The following KLHDC10 variants were observed in gnomAD, a reference collection of about 807,000 sequenced individuals.
KLHDC10 encodes the protein kelch domain-containing protein 10.
Under a neutral mutation model 56.1 loss-of-function variants are expected in KLHDC10, and 24 were observed. The observed-to-expected ratio is 0.43, with a 90% CI of 0.31 to 0.60. The LOEUF (loss-of-function observed/expected upper bound fraction) is 0.60. Ranked by LOEUF, KLHDC10 falls within the 20% of genes least tolerant of loss-of-function variation. KLHDC10 has a pLI of 0.11. For synonymous variants in KLHDC10, 188 were observed against 207.1 expected, an observed-to-expected ratio of 0.91 and a Z score of 0.79; for missense variants, 349 against 567.0, an observed-to-expected ratio of 0.62 and a Z score of 3.91.
chr7:130,118,387 C>T (rs1030450735), intron 3 of KLHDC10, among the ~76,000 whole-genome samples: 6 of 152,142 alleles, frequency 3.9e-5, no homozygotes, highest in Admixed American at 2.0e-4. Context: ...CTCTCCCCAC[C>T]TTTATAGAAT....
At chr7:130,085,386 C>G (rs1795673392) in intron 1 of KLHDC10, among the ~76,000 whole-genome samples, 1 of 148,942 alleles carries the variant, frequency 6.7e-6, no homozygotes, top group African/African-American at 2.5e-5. Context: ...GACTATATAA[C>G]TCTTGAAAGT....
In KLHDC10 at chr7:130,131,603, T is replaced by C. The variant is rs1357559618; in HGVS notation, c.*857T>C. ...AATGGTTTTAAATATCTCTTTGACT[T>C]CTTCATGGGGAATTGTAGACCCTAA... is the stretch of plus-strand genomic sequence containing the variant. On this transcript the variant is annotated 3_prime_UTR_variant, in exon 10 of 10. Transcript: ENST00000335420. 1 of 152,242 alleles carries C rather than the reference T, an allele frequency of 6.6e-6. No homozygotes were observed. The highest frequency in any genetic ancestry group is 1.5e-5 in the Non-Finnish European group (1 of 68,044). The allele number at this position is 152,242 out of a possible 1,614,324, so 9.4% of individuals were successfully genotyped here. A position where few individuals can be genotyped will look rare whatever the true frequency, so the allele number is the denominator to read the frequency against.
At chr7:130,086,736 G>C (rs1489618882) in intron 1 of KLHDC10, among the ~76,000 whole-genome samples, 2 of 152,152 alleles carry the variant, frequency 1.3e-5, no homozygotes, top group Non-Finnish European at 2.9e-5. Context: ...TAATTTACCA[G>C]CCACCCAATT....
intron 3 of KLHDC10, among the ~76,000 whole-genome samples, chr7:130,118,595 C>T (rs61667316): frequency 0.16 from 24,466 of 152,266 alleles, 2,346 homozygotes; most frequent in East Asian, 0.31. Context: ...ATTCGGCTAA[C>T]TGTTGAAAGA....
In KLHDC10 at chr7:130,096,936, G is replaced by T; in HGVS notation, c.182G>T (p.Arg61Leu). The T allele has an allele frequency of 6.2e-7, 1 of 1,610,816 alleles. No homozygotes were observed. Among genetic ancestry groups the T allele is most frequent in the Middle Eastern group, 1.7e-4 (1 of 6,046 alleles). The part of the protein sequence containing the change: ...RPHLPGKKKI[R>L]WDPVRRRFIQ... ...GTGGTAACAGGTAAGAAGAAAATACGATGGGACCCAGTTAGGAGGCGCTTC... is the reference window on the plus strand; with the variant it reads ...GTGGTAACAGGTAAGAAGAAAATACTATGGGACCCAGTTAGGAGGCGCTTC... The change falls in exon 2 of 10, where the codon CGA (arginine) becomes CTA (leucine). Residue 61 changes from arginine (R) to leucine (L), a missense_variant. Physicochemically the swap from Arg to Leu is moderately radical, Grantham distance 102 (BLOSUM62 -2). Transcript: ENST00000335420.
At chr7:130,090,346 G>C (rs1795753584) in intron 1 of KLHDC10, among the ~76,000 whole-genome samples, 1 of 151,904 alleles carries the variant, frequency 6.6e-6, no homozygotes, top group African/African-American at 2.4e-5. Flanking sequence ...CCCACCACTT[G>C]GGAGACCGAG....
chr7:130,073,938 A>G (rs528064732), intron 1 of KLHDC10, among the ~76,000 whole-genome samples: 2 of 152,190 alleles, frequency 1.3e-5, no homozygotes, highest in Admixed American at 6.5e-5. Context: ...TTTAAGCAGT[A>G]TTCGTGCTTC....
intron 6 of KLHDC10, 64 bp from the exon 7 acceptor site, chr7:130,125,800 CT>C: frequency 3.9e-6 from 5 of 1,282,454 alleles, no homozygotes; most frequent in Non-Finnish European, 5.4e-6. Context: ...TTAAAAAATC[CT>C]TTTTCAGGCT....
chr7:130,070,930 G>A, intron 1 of KLHDC10, 121 bp downstream of exon 1: 1 of 609,642 alleles, frequency 1.6e-6, no homozygotes, highest in Non-Finnish European at 2.4e-6. Context: ...CATAGCAGAG[G>A]GACTGGGGAT....
chr7:130,125,435 C>T (rs776522484), intron 6 of KLHDC10, among the ~76,000 whole-genome samples: 4 of 151,952 alleles, frequency 2.6e-5, no homozygotes, highest in African/African-American at 7.3e-5. Context: ...CTCAGCTACA[C>T]GGGAGGCTGA....
At position 130,130,247 on chromosome 7, in the gene KLHDC10, G is replaced by C. The variant is rs1254711126; in HGVS notation, c.1120-290G>C. Among the ~76,000 whole-genome samples, 1 of 151,548 alleles carries C rather than the reference G, an allele frequency of 6.6e-6. No homozygotes were observed. The highest frequency in any genetic ancestry group is 1.9e-4 in the East Asian group (1 of 5,152). On this transcript the variant is annotated intron_variant, in intron 9 of 9. Transcript: ENST00000335420. The surrounding 1 kb of genome is among the most constrained non-coding windows in gnomAD (Gnocchi z 4.2). ...AAGCAGGAGAATGGCGTGAACCCGGGAGGCGGAGAGCTTGCAGTGAGCTGA... is the reference window on the plus strand; with the variant it reads ...AAGCAGGAGAATGGCGTGAACCCGGCAGGCGGAGAGCTTGCAGTGAGCTGA...
At chr7:130,096,356 T>G in intron 1 of KLHDC10, among the ~76,000 whole-genome samples, 1 of 152,180 alleles carries the variant, frequency 6.6e-6, no homozygotes, top group Non-Finnish European at 1.5e-5. Flanking sequence ...GATGAGCCCC[T>G]TCCCTCCCTT....
At chr7:130,084,637 C>T (rs1323846377) in intron 1 of KLHDC10, among the ~76,000 whole-genome samples, 4 of 151,752 alleles carry the variant, frequency 2.6e-5, no homozygotes, top group African/African-American at 7.3e-5. Flanking sequence ...ATCAGCTGGG[C>T]GTGGTGGCGC....
At chr7:130,077,366 A>AAAC in intron 1 of KLHDC10, among the ~76,000 whole-genome samples, 1 of 147,982 alleles carries the variant, frequency 6.8e-6, no homozygotes, top group East Asian at 2.2e-4. Flanking sequence ...AAAAAAAAAA[A>AAAC]AAAAAAAAAA....
At chr7:130,088,162 A>G (rs1019075472) in intron 1 of KLHDC10, among the ~76,000 whole-genome samples, 3 of 152,214 alleles carry the variant, frequency 2.0e-5, no homozygotes, top group Non-Finnish European at 4.4e-5. Context: ...TTAGTCCAAT[A>G]TAAGCTTTTA....
At chr7:130,085,833 CAAAAAA>C (rs55805509) in intron 1 of KLHDC10, among the ~76,000 whole-genome samples, 82 of 86,270 alleles carry the variant, frequency 9.5e-4, no homozygotes, top group African/African-American at 3.4e-3. Context: ...GACTCTTTCT[CAAAAAA>C]AAAAAAAAAA....
chr7:130,077,353 CAAAAA>C (rs35132418), intron 1 of KLHDC10, among the ~76,000 whole-genome samples: 13 of 17,898 alleles, frequency 7.3e-4, no homozygotes, highest in African/African-American at 2.3e-3. Context: ...GACTCTGTCT[CAAAAA>C]AAAAAAAAAA....
rs202068624 is a variant in KLHDC10, at chr7:130,122,024, C to G, written c.631-30C>G. The G allele has an allele frequency of 5.7e-6, 9 of 1,591,816 alleles. No individual in the cohort carries two copies. In the Admixed American group the frequency reaches 1.3e-4, roughly 22 times the overall value. ...ATTCTTTAATCAAGTGTTAACAAGT[C>G]GGTCTTATTCACCTTTCCTTGTTAT... On this transcript the variant is annotated intron_variant, in intron 4 of 9. Transcript: ENST00000335420.
rs184253982 is a variant in KLHDC10 at position 130,105,876 on chromosome 7, G to A, written c.253+8869G>A. 1.1e-3 allele frequency among the ~76,000 whole-genome samples: 165 copies of A among 152,276 alleles called. 3 individuals carry two copies. The East Asian group carries it at 0.025, about 23-fold the overall frequency. ...ATAATTTGTACATTTAAGGCCGGGC[G>A]CGGTGGCTCACGCCTGTAATCCCAG... On this transcript the variant is annotated intron_variant, in intron 2 of 9. Transcript: ENST00000335420.
Sources: gnomAD v4.1 joint callset for allele counts (sites outside exome capture counted in the v4.1 genomes callset) on GRCh38, gnomAD v4.1.1 for gene constraint, Gnocchi (gnomAD v3.1) non-coding constraint, MANE v1.5 for transcripts, NCBI Gene and HGNC (gene_info 2026-07-23, HGNC 2026-07-21) for gene names.